OR2L5: variants seen among roughly 807,000 people sequenced by gnomAD.
OR2L5 encodes olfactory receptor family 2 subfamily L member 5, also known as olfactory receptor 2L5.
For synonymous variants in OR2L5, 169 were observed against 142.0 expected (o/e 1.19, Z -1.35); for missense variants, 413 against 381.6 (o/e 1.08, Z -0.69).
chr1:248,021,981 A>G lies in OR2L5; in HGVS notation c.34A>G (p.Ile12Val), dbSNP rs181817515. The change falls in exon 2 of 2, where the codon ATC (isoleucine) becomes GTC (valine). Residue 12 changes from isoleucine (I) to valine (V), a missense_variant. Coordinates refer to ENST00000355281, the MANE Select transcript of OR2L5 (RefSeq NM_001258284.2). ...ENYNQTSTDF[I>V]LLGLFPPSKI... ...TTACAATCAAACGTCAACTGATTTC[A>G]TCTTATTGGGGCTGTTCCCACCATC... 7.4e-6 allele frequency: 12 copies of G among 1,613,602 alleles called. No homozygotes were observed. The African/African-American group carries it at 1.3e-4, about 18-fold the overall frequency.
At chr1:248,019,676 G>C (rs1183412887) in intron 1 of OR2L5, among the ~76,000 whole-genome samples, 1 of 152,076 alleles carries the variant, frequency 6.6e-6, no homozygotes, top group Non-Finnish European at 1.5e-5. Context: ...ATATATTGCT[G>C]TTTATAGGAG....
At chr1:248,018,110 A>G (rs888563568) in intron 1 of OR2L5, among the ~76,000 whole-genome samples, 40 of 150,994 alleles carry the variant, frequency 2.6e-4, no homozygotes, top group African/African-American at 7.6e-4. Context: ...AGCCGAGATC[A>G]CACCACTGCA....
chr1:248,022,022 C>T lies in OR2L5; in HGVS notation c.75C>T (p.Phe25=), dbSNP rs747395852. ...TCCCACCATCAAAAATTGGCCTTTT[C>T]CTCTTCATTCTCTTTGTTCTCATTT... ...GLFPPSKIGL[F]LFILFVLIFL... is the part of the protein sequence containing the mutation. The change falls in exon 2 of 2, where the codon TTC becomes TTT. Residue 25 remains phenylalanine, a synonymous_variant. Coordinates refer to ENST00000355281, the MANE Select transcript of OR2L5 (RefSeq NM_001258284.2). The T allele has an allele frequency of 6.2e-7, 1 of 1,613,928 alleles. No individual in the cohort carries two copies. Among genetic ancestry groups the T allele is most frequent in the Admixed American group, 1.7e-5 (1 of 60,002 alleles).
intron 1 of OR2L5, among the ~76,000 whole-genome samples, chr1:248,018,693 T>G (rs1186978510): frequency 6.6e-6 from 1 of 152,216 alleles, no homozygotes; most frequent in Non-Finnish European, 1.5e-5. Flanking sequence ...AGTGTACAGT[T>G]CTGTGGCATT....
In OR2L5 at chr1:248,022,035, T is replaced by A; in HGVS notation, c.88T>A (p.Phe30Ile). The A allele has an allele frequency of 6.2e-7, 1 of 1,613,988 alleles. No individual in the cohort carries two copies. Among genetic ancestry groups the A allele is most frequent in the Non-Finnish European group, 8.5e-7 (1 of 1,179,866 alleles). The change falls in exon 2 of 2, where the codon TTT becomes ATT. Residue 30 changes from phenylalanine (F) to isoleucine (I), a missense_variant. Physicochemically the swap from Phe to Ile is conservative, Grantham distance 21 (BLOSUM62 0). Coordinates refer to ENST00000355281, the MANE Select transcript of OR2L5 (RefSeq NM_001258284.2). ...SKIGLFLFILFVLIFLMALIG... is the reference protein window; with the variant it reads ...SKIGLFLFILIVLIFLMALIG... ...AATTGGCCTTTTCCTCTTCATTCTC[T>A]TTGTTCTCATTTTCCTAATGGCTCT...
At chr1:248,016,892 C>T (rs74153007) in intron 1 of OR2L5, among the ~76,000 whole-genome samples, 4,810 of 151,914 alleles carry the variant, frequency 0.032, 230 homozygotes, top group African/African-American at 0.11. Flanking sequence ...TATAAAATGT[C>T]GGTGGTGATG....
Position 248,022,911 on chromosome 1 carries a change from A to G in OR2L5, c.*25A>G, listed in dbSNP as rs1662382935. ...GACATACGTTCTGTGTTAGAGTCAA[A>G]GCGCTAGGTTCATATCAACTCAGCA... On this transcript the variant is annotated 3_prime_UTR_variant, in exon 2 of 2. Coordinates refer to ENST00000355281, the MANE Select transcript of OR2L5 (RefSeq NM_001258284.2). The G allele has an allele frequency of 6.4e-7, 1 of 1,574,124 alleles. No individual in the cohort carries two copies.
Position 248,023,054 on chromosome 1 carries a change from A to G in OR2L5, c.*168A>G. 5.0e-6 allele frequency: 3 copies of G among 602,462 alleles called. No homozygotes were observed. The highest frequency in any genetic ancestry group is 8.2e-6 in the Non-Finnish European group (3 of 365,698). 37.3% of individuals were successfully genotyped at this position (602,462 alleles called of 1,614,324 possible). ...TATAGTTGCATATTCTAAGACATCT[A>G]TTTTGTTTCTGTTTGTGTTTCTTTT... On this transcript the variant is annotated 3_prime_UTR_variant, in exon 2 of 2. Transcript: ENST00000355281.
Position 248,022,085 on chromosome 1 carries a change from T to G in OR2L5, c.138T>G (p.Leu46=). 6.2e-7 allele frequency: 1 copy of G among 1,613,952 alleles called. No individual in the cohort carries two copies. The highest frequency in any genetic ancestry group is 8.5e-7 in the Non-Finnish European group (1 of 1,179,848). ...MALIGNLSMI[L]LIFLDTHLHT... is the part of the protein sequence containing the mutation. ...TAATTGGAAACCTATCCATGATTCT[T>G]CTCATCTTCTTGGACACCCATCTCC... Residue 46 remains leucine (L), a synonymous_variant, in exon 2 of 2, where the codon CTT becomes CTG. Coordinates refer to ENST00000355281, the MANE Select transcript of OR2L5 (RefSeq NM_001258284.2).
intron 1 of OR2L5, among the ~76,000 whole-genome samples, chr1:248,020,880 T>C (rs1662318467): frequency 6.6e-6 from 1 of 151,412 alleles, no homozygotes; most frequent in Non-Finnish European, 1.5e-5. Context: ...CCAAGTCACA[T>C]ATGTATATAT....
rs1405213636 is a variant in OR2L5, at chr1:248,022,825, A to G, written c.878A>G (p.Asn293Ser). ...MLNPIIYSLR[N>S]KEVMGALTRV... The stretch of plus-strand genomic sequence containing the variant: ...AACCCCATCATCTACAGCCTGAGAA[A>G]CAAGGAGGTGATGGGGGCCCTGACA... The change falls in exon 2 of 2, where the codon AAC becomes AGC. Residue 293 changes from asparagine (N) to serine (S), a missense_variant. Coordinates refer to ENST00000355281, the MANE Select transcript of OR2L5 (RefSeq NM_001258284.2). The G allele has an allele frequency of 1.2e-6, 2 of 1,613,062 alleles. No homozygotes were observed. Among genetic ancestry groups the G allele is most frequent in the Non-Finnish European group, 1.7e-6 (2 of 1,179,688 alleles).
chr1:248,019,916 T>C (rs935328209), intron 1 of OR2L5, among the ~76,000 whole-genome samples: 1 of 152,066 alleles, frequency 6.6e-6, no homozygotes, highest in Non-Finnish European at 1.5e-5. Flanking sequence ...CCTCCCCAAG[T>C]AGCTGGGACT....
Position 248,022,049 on chromosome 1 carries a change from C to A in OR2L5, c.102C>A (p.Phe34Leu), listed in dbSNP as rs762953700. ...TCTTCATTCTCTTTGTTCTCATTTT[C>A]CTAATGGCTCTAATTGGAAACCTAT... ...LFLFILFVLI[F>L]LMALIGNLSM... The change falls in exon 2 of 2, where the codon TTC becomes TTA. Residue 34 changes from phenylalanine (F) to leucine (L), a missense_variant. Physicochemically the swap from Phe to Leu is conservative, Grantham distance 22 (BLOSUM62 0). Coordinates refer to ENST00000355281, the MANE Select transcript of OR2L5 (RefSeq NM_001258284.2). The A allele has an allele frequency of 1.2e-6, 2 of 1,613,916 alleles. No homozygotes were observed. The highest frequency in any genetic ancestry group is 1.7e-6 in the Non-Finnish European group (2 of 1,179,858).
At chr1:248,019,794 T>A (rs1282517136) in intron 1 of OR2L5, among the ~76,000 whole-genome samples, 2 of 151,934 alleles carry the variant, frequency 1.3e-5, no homozygotes, top group Non-Finnish European at 2.9e-5. Flanking sequence ...TCTTTCTTCT[T>A]CTTCTTGTTT....
chr1:248,016,713 T>C (rs1662206037), intron 1 of OR2L5, among the ~76,000 whole-genome samples: 1 of 151,918 alleles, frequency 6.6e-6, no homozygotes, highest in African/African-American at 2.4e-5. Context: ...TATATAAATG[T>C]ATATTTATAT....
At chr1:248,021,871 C>T (rs1662343041) in intron 1 of OR2L5, 56 bp from the exon 2 acceptor site, 2 of 1,192,366 alleles carry the variant, frequency 1.7e-6, no homozygotes, top group African/African-American at 1.5e-5. Context: ...TGGAATGCAA[C>T]CCCTGCAGAT....
At position 248,016,781 on chromosome 1, in the gene OR2L5, TTATG is replaced by T. The variant is rs561502476; in HGVS notation, c.-22+3053_-22+3056del. 1.1e-4 allele frequency among the ~76,000 whole-genome samples: 17 copies of T among 152,116 alleles called. No individual in the cohort carries two copies. In the South Asian group the frequency reaches 3.5e-3, roughly 32 times the overall value. On this transcript the variant is annotated intron_variant, in intron 1 of 1. Coordinates refer to ENST00000355281, the MANE Select transcript of OR2L5 (RefSeq NM_001258284.2). ...TAGATATGTATGTGTGTATATAAAC[TTATG>T]TATGTATGTGTGTGTTTGTGTAAAT...
Position 248,016,673 on chromosome 1 carries a change from T to G in OR2L5, c.-22+2935T>G, listed in dbSNP as rs556952421. On this transcript the variant is annotated intron_variant, in intron 1 of 1. Transcript: ENST00000355281. ...GATGTACTGCCTAAAAATATTTGGA[T>G]AAACTAGACCACACATTTTTTTAAA... 2.6e-5 allele frequency among the ~76,000 whole-genome samples: 4 copies of G among 152,162 alleles called. No individual in the cohort carries two copies. In the South Asian group the frequency reaches 8.3e-4, roughly 32 times the overall value.
intron 1 of OR2L5, among the ~76,000 whole-genome samples, chr1:248,015,461 A>G (rs1211379472): frequency 1.3e-5 from 2 of 152,160 alleles, no homozygotes; most frequent in Non-Finnish European, 2.9e-5. Context: ...TCAGGTACAG[A>G]CAGCTTGTTT....
Sources: allele counts gnomAD v4.1 joint callset (sites outside exome capture counted in the v4.1 genomes callset), GRCh38; gene constraint gnomAD v4.1.1; transcripts MANE v1.5; gene names NCBI Gene and HGNC (gene_info 2026-07-23, HGNC 2026-07-21).